The following NT5DC1 variants were observed in gnomAD, a reference collection of about 807,000 sequenced individuals.
NT5DC1 encodes 5'-nucleotidase domain containing 1.
NT5DC1 carries 42 observed loss-of-function variants against 59.4 expected under a neutral mutation model. That is an observed-to-expected ratio of 0.71 (90% CI 0.55 to 0.92). The LOEUF is 0.92. NT5DC1 is among the 40% of genes least tolerant of loss of function. The pLI is 0.00. For missense variants in NT5DC1, 501 were observed against 537.1 expected (o/e 0.93, Z 0.66); for synonymous variants, 172 against 188.1 (o/e 0.91, Z 0.70).
At chr6:116,164,680 C>T (rs1217433308) in intron 6 of NT5DC1, among the ~76,000 whole-genome samples, 1 of 152,172 alleles carries the variant, frequency 6.6e-6, no homozygotes, top group Non-Finnish European at 1.5e-5. Context: ...GAACTTTGTA[C>T]TTACGTGTGC....
At chr6:116,110,152 G>A (rs1778844862) in intron 3 of NT5DC1, among the ~76,000 whole-genome samples, 1 of 152,182 alleles carries the variant, frequency 6.6e-6, no homozygotes, top group Admixed American at 6.5e-5. Flanking sequence ...GTTGACCACA[G>A]GTAACTGAAA....
intron 6 of NT5DC1, among the ~76,000 whole-genome samples, chr6:116,177,586 A>G (rs1308598480): frequency 2.0e-5 from 3 of 152,208 alleles, no homozygotes; most frequent in Non-Finnish European, 4.4e-5. Flanking sequence ...GAAGTAAAAT[A>G]TTAACAGTTG....
chr6:116,103,721 C>T (rs983137087), intron 1 of NT5DC1, among the ~76,000 whole-genome samples: 1 of 152,064 alleles, frequency 6.6e-6, no homozygotes, highest in African/African-American at 2.4e-5. Flanking sequence ...GTTGTGCAAA[C>T]ACAGAACTGA....
At chr6:116,125,433 A>T in intron 6 of NT5DC1, 1 of 1,613,904 alleles carries the variant, frequency 6.2e-7, no homozygotes, top group Non-Finnish European at 8.5e-7. Context: ...GTTCAGCGTA[A>T]AACACTCCAT....
At chr6:116,169,507 G>T (rs1780559353) in intron 6 of NT5DC1, among the ~76,000 whole-genome samples, 1 of 152,148 alleles carries the variant, frequency 6.6e-6, no homozygotes, top group Non-Finnish European at 1.5e-5. Flanking sequence ...AAGACTATAT[G>T]GTAGGAAAAT....
chr6:116,117,573 A>C (rs764816626), intron 5 of NT5DC1, among the ~76,000 whole-genome samples: 18 of 152,162 alleles, frequency 1.2e-4, no homozygotes, highest in Non-Finnish European at 2.5e-4. Flanking sequence ...CCATTATCCT[A>C]CTGTTGGGCA....
At chr6:116,191,051 G>A (rs956823386) in intron 6 of NT5DC1, among the ~76,000 whole-genome samples, 1 of 152,004 alleles carries the variant, frequency 6.6e-6, no homozygotes, top group Non-Finnish European at 1.5e-5. Context: ...ACAGTGAGTT[G>A]TTGTTAGAAC....
intron 6 of NT5DC1, among the ~76,000 whole-genome samples, chr6:116,215,429 G>A (rs779186444): frequency 1.3e-5 from 2 of 152,136 alleles, no homozygotes; most frequent in Non-Finnish European, 2.9e-5. Flanking sequence ...GTATGGCTGA[G>A]CTTTCAACCT....
intron 6 of NT5DC1, among the ~76,000 whole-genome samples, chr6:116,166,414 C>T (rs1234958096): frequency 6.6e-6 from 1 of 152,154 alleles, no homozygotes; most frequent in East Asian, 1.9e-4. Context: ...AGGAATGGAT[C>T]AACCAATCTT....
chr6:116,157,783 G>A (rs1780233641), intron 6 of NT5DC1, among the ~76,000 whole-genome samples: 1 of 152,102 alleles, frequency 6.6e-6, no homozygotes, highest in Non-Finnish European at 1.5e-5. Context: ...CTCTAACGGG[G>A]AAATCAAAAA....
At chr6:116,140,507 A>G (rs1237858941) in intron 6 of NT5DC1, among the ~76,000 whole-genome samples, 1 of 152,150 alleles carries the variant, frequency 6.6e-6, no homozygotes, top group East Asian at 1.9e-4. Context: ...TATTAATTCA[A>G]TGAACACATG....
At chr6:116,123,016 T>A (rs1405524504) in intron 6 of NT5DC1, among the ~76,000 whole-genome samples, 2 of 152,200 alleles carry the variant, frequency 1.3e-5, no homozygotes, top group Non-Finnish European at 1.5e-5. Context: ...TAAGTGGATA[T>A]TGATATATTG....
At chr6:116,148,516 C>T (rs1010779726) in intron 6 of NT5DC1, among the ~76,000 whole-genome samples, 1 of 152,046 alleles carries the variant, frequency 6.6e-6, no homozygotes, top group Admixed American at 6.5e-5. Context: ...GCCTTAGGAT[C>T]GTCACTGTGG....
chr6:116,125,060 G>A (rs1779253013), intron 6 of NT5DC1, among the ~76,000 whole-genome samples: 2 of 152,160 alleles, frequency 1.3e-5, no homozygotes, highest in Admixed American at 1.3e-4. Context: ...GCAGTTATTT[G>A]TGCAAAAGCA....
At chr6:116,207,370 C>CAA (rs5879366) in intron 6 of NT5DC1, among the ~76,000 whole-genome samples, 25 of 151,434 alleles carry the variant, frequency 1.7e-4, no homozygotes, top group South Asian at 8.3e-4. Flanking sequence ...AGAGAGAAAG[C>CAA]AAAAAAAATC....
chr6:116,173,526 C>T (rs1370555885), intron 6 of NT5DC1, among the ~76,000 whole-genome samples: 4 of 152,132 alleles, frequency 2.6e-5, no homozygotes, highest in South Asian at 4.2e-4. Flanking sequence ...AGAGGGTTCC[C>T]GCTTTGAGCA....
intron 6 of NT5DC1, among the ~76,000 whole-genome samples, chr6:116,153,947 A>G (rs1437770385): frequency 1.3e-5 from 2 of 152,144 alleles, no homozygotes; most frequent in Non-Finnish European, 2.9e-5. Context: ...ATTGCAGTGT[A>G]AAGCTGTATG....
chr6:116,227,557 G>A (rs911292025), intron 8 of NT5DC1, among the ~76,000 whole-genome samples: 1 of 151,784 alleles, frequency 6.6e-6, no homozygotes, highest in Non-Finnish European at 1.5e-5. Flanking sequence ...TTTCCGTAAT[G>A]GCTAAACTAA....
At chr6:116,132,964 T>A (rs1779506076) in intron 6 of NT5DC1, among the ~76,000 whole-genome samples, 1 of 152,176 alleles carries the variant, frequency 6.6e-6, no homozygotes, top group South Asian at 2.1e-4. Flanking sequence ...GTTAGATACC[T>A]GCTGAGAGTT....
Sources: gnomAD v4.1 joint callset for allele counts (sites outside exome capture counted in the v4.1 genomes callset) on GRCh38, gnomAD v4.1.1 for gene constraint, MANE v1.5 for transcripts, NCBI Gene and HGNC (gene_info 2026-07-23, HGNC 2026-07-21) for gene names.